FBLN7: variants seen among roughly 807,000 people sequenced by gnomAD.
FBLN7 encodes the protein fibulin 7, also known as fibulin-7.
Under a neutral mutation model 44.0 loss-of-function variants are expected in FBLN7, and 31 were observed. The ratio of observed to expected loss-of-function variants is 0.70; its 90% CI spans 0.53 to 0.95. FBLN7 has a LOEUF of 0.95. Ranked by LOEUF, FBLN7 falls within the 40% of genes least tolerant of loss-of-function variation. FBLN7 has a pLI of 0.00. For missense variants in FBLN7, 573 were observed against 618.5 expected (o/e 0.93, Z 0.78); for synonymous variants, 262 against 253.4 (o/e 1.03, Z -0.32).
chr2:112,202,901 C>A, the FBLN7 span, among the ~76,000 whole-genome samples: 1 of 152,196 alleles, frequency 6.6e-6, no homozygotes, highest in African/African-American at 2.4e-5. Flanking sequence ...AAGCTACCTT[C>A]TCAGGGCTTA....
the FBLN7 span, chr2:112,234,155 T>C: frequency 6.2e-7 from 1 of 1,602,928 alleles, no homozygotes; most frequent in Non-Finnish European, 8.5e-7. Context: ...TATTTACAAA[T>C]TTGTTTTCCC....
chr2:112,169,086 C>T (rs1030851105), intron 3 of FBLN7, among the ~76,000 whole-genome samples: 5 of 152,180 alleles, frequency 3.3e-5, no homozygotes, highest in African/African-American at 7.2e-5. Flanking sequence ...GCCTGGCCAA[C>T]GTGGTGAAAC....
chr2:112,242,339 T>G, the FBLN7 span, among the ~76,000 whole-genome samples: 1 of 152,234 alleles, frequency 6.6e-6, no homozygotes, highest in Admixed American at 6.5e-5. Flanking sequence ...TCAGAGTCCA[T>G]AAATACAATT....
downstream of FBLN7, chr2:112,189,219 A>G (rs72831634): frequency 0.1 from 15,613 of 152,356 alleles, 1,078 homozygotes; most frequent in Non-Finnish European, 0.14. Context: ...CTAAACTGGT[A>G]TATGATAGGG....
the FBLN7 span, among the ~76,000 whole-genome samples, chr2:112,237,244 T>C: frequency 6.6e-6 from 1 of 152,110 alleles, no homozygotes; most frequent in African/African-American, 2.4e-5. Flanking sequence ...ATATATAAGG[T>C]ATTGTCAAGA....
At chr2:112,181,968 G>C in intron 5 of FBLN7, 92 bp downstream of exon 5, 2 of 1,440,398 alleles carry the variant, frequency 1.4e-6, no homozygotes, top group Non-Finnish European at 1.8e-6. Context: ...CTGCCGGCAC[G>C]GGTGGCTTCC....
At chr2:112,175,988 C>T in intron 4 of FBLN7, 149 bp downstream of exon 4, 1 of 989,748 alleles carries the variant, frequency 1.0e-6, no homozygotes, top group South Asian at 2.1e-5. Flanking sequence ...CCACCGATCC[C>T]TCTGGTTTTC....
the FBLN7 span, among the ~76,000 whole-genome samples, chr2:112,235,953 A>AT: frequency 6.6e-6 from 1 of 151,218 alleles, no homozygotes. Flanking sequence ...AAAAAAAAAA[A>AT]AAATCAAGGA....
downstream of FBLN7, chr2:112,189,173 G>C (rs776550714): frequency 6.6e-6 from 1 of 152,342 alleles, no homozygotes; most frequent in South Asian, 2.1e-4. Flanking sequence ...GCCAGAAGGT[G>C]GGGAGTGTTT....
chr2:112,175,776 C>A lies in FBLN7; in HGVS notation c.469C>A (p.Gln157Lys). 1 of 1,614,200 alleles carries A rather than the reference C, an allele frequency of 6.2e-7. No homozygotes were observed. Among genetic ancestry groups the A allele is most frequent in the Non-Finnish European group, 8.5e-7 (1 of 1,180,028 alleles). Reference protein sequence around the residue: ...NGGTCVEGVNQYRCICPPGRT... With the variant: ...NGGTCVEGVNKYRCICPPGRT... ...TGGTACATGTGTAGAAGGAGTCAAC[C>A]AGTACAGATGCATTTGTCCTCCAGG... Residue 157 changes from glutamine to lysine, a missense_variant, in exon 4 of 8, where the codon CAG becomes AAG. Transcript: ENST00000331203.
chr2:112,207,424 AC>A, the FBLN7 span, among the ~76,000 whole-genome samples: 1 of 149,608 alleles, frequency 6.7e-6, no homozygotes, highest in Non-Finnish European at 1.5e-5. Context: ...CAGAGATTGC[AC>A]CACTGCACTC....
chr2:112,229,691 ACTT>A, the FBLN7 span, among the ~76,000 whole-genome samples: 2 of 152,140 alleles, frequency 1.3e-5, no homozygotes, highest in African/African-American at 4.8e-5. Flanking sequence ...AAAAATAAGC[ACTT>A]TGTGTTATTC....
At chr2:112,229,051 T>C in the FBLN7 span, among the ~76,000 whole-genome samples, 89 of 152,320 alleles carry the variant, frequency 5.8e-4, 2 homozygotes, top group African/African-American at 1.7e-3. Flanking sequence ...CAGTAACAAG[T>C]GTTGCTACGG....
chr2:112,163,734 A>C (rs765464418), intron 2 of FBLN7, among the ~76,000 whole-genome samples: 4 of 146,560 alleles, frequency 2.7e-5, no homozygotes, highest in Non-Finnish European at 6.1e-5. Flanking sequence ...AGACCTCCAG[A>C]GGCCCGGTCT....
At chr2:112,143,271 T>A (rs544628911) in intron 1 of FBLN7, among the ~76,000 whole-genome samples, 1 of 152,178 alleles carries the variant, frequency 6.6e-6, no homozygotes, top group African/African-American at 2.4e-5. Context: ...AAACACCTCA[T>A]TGGGGAGATC....
At chr2:112,167,086 C>G (rs1682199503) in intron 3 of FBLN7, among the ~76,000 whole-genome samples, 1 of 152,230 alleles carries the variant, frequency 6.6e-6, no homozygotes, top group South Asian at 2.1e-4. Flanking sequence ...CCACGCACCC[C>G]CAAGCGGTGC....
chr2:112,181,750 G>T lies in FBLN7; in HGVS notation c.544G>T (p.Gly182Cys), dbSNP rs1400017171. 1 of 1,398,390 alleles carries T rather than the reference G, an allele frequency of 7.2e-7. No homozygotes were observed. The highest frequency in any genetic ancestry group is 1.6e-5 in the South Asian group (1 of 63,742). 86.6% of individuals were successfully genotyped at this position (1,398,390 alleles called of 1,614,324 possible). A position where few individuals can be genotyped will look rare whatever the true frequency, so the allele number is the denominator to read the frequency against. ...QHQAQTAAPE[G>C]SVAGDSAFSR... ...TCTTCTCCCCGCAGCCGCCCCCGAG[G>T]GCAGCGTGGCCGGCGACTCCGCCTT... The change falls in exon 5 of 8, where the codon GGC (glycine) becomes TGC (cysteine). Residue 182 changes from glycine (G) to cysteine (C), a missense_variant. Gly to Cys is a radical substitution (Grantham distance 159, BLOSUM62 -3). Coordinates refer to ENST00000331203, the MANE Select transcript of FBLN7 (RefSeq NM_153214.3).
At chr2:112,202,809 G>A in the FBLN7 span, among the ~76,000 whole-genome samples, 3 of 152,148 alleles carry the variant, frequency 2.0e-5, no homozygotes, top group Admixed American at 1.3e-4. Context: ...ACTAGTCACT[G>A]GAGTGAGTAG....
the FBLN7 span, among the ~76,000 whole-genome samples, chr2:112,242,415 A>G: frequency 2.0e-5 from 3 of 152,370 alleles, no homozygotes; most frequent in African/African-American, 7.2e-5. Flanking sequence ...CTACAACAGC[A>G]GAGCTGAGTA....
Sources: gnomAD v4.1 joint callset for allele counts (sites outside exome capture counted in the v4.1 genomes callset) on GRCh38, gnomAD v4.1.1 for gene constraint, MANE v1.5 for transcripts, NCBI Gene and HGNC (gene_info 2026-07-23, HGNC 2026-07-21) for gene names.